Variants in RFX3 observed in about 807,000 individuals in gnomAD.
The protein encoded by RFX3 is transcription factor RFX3.
In RFX3, 14 loss-of-function variants were observed where a neutral mutation model predicts 98.6. The observed-to-expected ratio is 0.14, with a 90% CI of 0.09 to 0.22. The LOEUF is 0.22. Among genes scored for constraint, RFX3 ranks in the 10% least tolerant of loss-of-function variants. The pLI is 1.00. For synonymous variants in RFX3, 383 were observed against 328.4 expected (o/e 1.17, Z -1.80); for missense variants, 639 against 926.9 (o/e 0.69, Z 4.03).
At chr9:3,293,874 G>T (rs1294072212) in intron 5 of RFX3, among the ~76,000 whole-genome samples, 4 of 152,084 alleles carry the variant, frequency 2.6e-5, no homozygotes, top group African/African-American at 9.7e-5. Context: ...CATTGGCAAA[G>T]AGTTTACATG....
At chr9:3,370,216 A>T (rs1463088650) in intron 2 of RFX3, among the ~76,000 whole-genome samples, 1 of 151,374 alleles carries the variant, frequency 6.6e-6, no homozygotes, top group African/African-American at 2.4e-5. Context: ...AATGATCCCT[A>T]GAGCAAGTTA....
intron 4 of RFX3, among the ~76,000 whole-genome samples, chr9:3,302,357 C>T (rs906261500): frequency 2.0e-5 from 3 of 151,576 alleles, no homozygotes; most frequent in Admixed American, 6.6e-5. Flanking sequence ...ATACCATGTA[C>T]GATTATTAAT....
In RFX3 at chr9:3,221,041, C is replaced by G. The variant is rs1817318123; in HGVS notation, c.*4001G>C. 1 of 152,072 alleles carries G rather than the reference C, an allele frequency of 6.6e-6. No individual in the cohort carries two copies. The highest frequency in any genetic ancestry group is 1.5e-5 in the Non-Finnish European group (1 of 68,004). The allele number at this position is 152,072 out of a possible 1,614,324, so 9.4% of individuals were successfully genotyped here. Reference sequence around the variant, plus strand: ...TTTCTGGATGGTTGTTCTTTTCTCACCAAGAATGTGTGTGTCTGGGGGATA... The same window carrying G: ...TTTCTGGATGGTTGTTCTTTTCTCAGCAAGAATGTGTGTGTCTGGGGGATA... On this transcript the variant is annotated 3_prime_UTR_variant, in exon 17 of 17. Coordinates refer to ENST00000617270, the MANE Select transcript of RFX3 (RefSeq NM_001282116.2).
At chr9:3,375,966 A>C (rs116404803) in intron 2 of RFX3, among the ~76,000 whole-genome samples, 3,437 of 152,258 alleles carry the variant, frequency 0.023, 75 homozygotes, top group African/African-American at 0.056. Context: ...TCTCCAAAAA[A>C]AAAAAATTAT....
chr9:3,270,639 C>T, intron 10 of RFX3, 114 bp from the exon 11 acceptor site: 1 of 1,029,654 alleles, frequency 9.7e-7, no homozygotes, highest in Non-Finnish European at 1.4e-6. Context: ...ACTATACCAC[C>T]ATTGCACTGG....
intron 1 of RFX3, among the ~76,000 whole-genome samples, chr9:3,506,117 A>T (rs1197377416): frequency 2.0e-5 from 3 of 151,842 alleles, no homozygotes; most frequent in Non-Finnish European, 4.4e-5. Flanking sequence ...AACGGCACTA[A>T]ATTCAGCAAC....
chr9:3,509,148 G>C (rs1017890500), intron 1 of RFX3, among the ~76,000 whole-genome samples: 18 of 151,864 alleles, frequency 1.2e-4, no homozygotes, highest in Admixed American at 2.6e-4. Context: ...ATTGCGTCTG[G>C]TTGCTATGGA....
chr9:3,375,933 C>T (rs572486274), intron 2 of RFX3, among the ~76,000 whole-genome samples: 1 of 151,810 alleles, frequency 6.6e-6, no homozygotes, highest in Non-Finnish European at 1.5e-5. Context: ...GCACTCCAGC[C>T]TGGGTGACAG....
At chr9:3,267,324 AAC>A (rs1823777619) in intron 11 of RFX3, among the ~76,000 whole-genome samples, 1 of 151,956 alleles carries the variant, frequency 6.6e-6, no homozygotes, top group East Asian at 1.9e-4. Flanking sequence ...TACTATAAGA[AAC>A]ACAGTTATAT....
At chr9:3,314,676 A>C (rs142365195) in intron 4 of RFX3, among the ~76,000 whole-genome samples, 1,559 of 152,260 alleles carry the variant, frequency 0.01, 14 homozygotes, top group Middle Eastern at 0.027. Context: ...GGATGAAGGA[A>C]GATCTACCAA....
intron 1 of RFX3, among the ~76,000 whole-genome samples, chr9:3,478,573 T>C (rs1032196784): frequency 6.6e-6 from 1 of 152,280 alleles, no homozygotes. Context: ...GAAATCTTCA[T>C]GAGAAGTCAT....
chr9:3,228,947 C>CT, intron 15 of RFX3, 58 bp from the exon 16 acceptor site: 1 of 1,456,136 alleles, frequency 6.9e-7, no homozygotes, highest in South Asian at 1.3e-5. Flanking sequence ...AAATAATACT[C>CT]TATCAGTCTG....
chr9:3,519,326 G>C (rs972186106), intron 1 of RFX3, among the ~76,000 whole-genome samples: 1 of 152,072 alleles, frequency 6.6e-6, no homozygotes, highest in Non-Finnish European at 1.5e-5. Context: ...GCTTGTCTGT[G>C]CCTTATTTTT....
chr9:3,448,171 A>C (rs1215448156), intron 1 of RFX3, among the ~76,000 whole-genome samples: 2 of 152,202 alleles, frequency 1.3e-5, no homozygotes, highest in African/African-American at 2.4e-5. Context: ...TTTAAAAAAA[A>C]AAATTACATT....
intron 14 of RFX3, among the ~76,000 whole-genome samples, chr9:3,251,445 T>G (rs557535245): frequency 6.6e-6 from 1 of 152,156 alleles, no homozygotes; most frequent in Non-Finnish European, 1.5e-5. Flanking sequence ...ACTCCTGGGT[T>G]CCAGTGATCT....
intron 4 of RFX3, among the ~76,000 whole-genome samples, chr9:3,320,239 C>T (rs1831104038): frequency 6.6e-6 from 1 of 152,044 alleles, no homozygotes. Flanking sequence ...TTTTATTCTT[C>T]ATGTATCCTT....
intron 1 of RFX3, among the ~76,000 whole-genome samples, chr9:3,415,381 A>G (rs370121339): frequency 2.0e-5 from 3 of 151,696 alleles, no homozygotes; most frequent in African/African-American, 7.3e-5. Context: ...TGGCTAGCCA[A>G]CCAGTACCAT....
chr9:3,254,929 A>C (rs753443352), intron 14 of RFX3, among the ~76,000 whole-genome samples: 2 of 152,176 alleles, frequency 1.3e-5, no homozygotes, highest in Admixed American at 6.5e-5. Context: ...CAACACCTTA[A>C]TAATGTGCTT....
chr9:3,524,872 CACACA>C (rs1275262968), intron 1 of RFX3, among the ~76,000 whole-genome samples: 3,009 of 104,870 alleles, frequency 0.029, 50 homozygotes, highest in East Asian at 0.15. Context: ...CACACACACA[CACACA>C]CCAAAGAAGA....
Sources: allele counts gnomAD v4.1 joint callset (sites outside exome capture counted in the v4.1 genomes callset), GRCh38; gene constraint gnomAD v4.1.1; transcripts MANE v1.5; gene names NCBI Gene and HGNC (gene_info 2026-07-23, HGNC 2026-07-21).